The following DNAH7 variants were observed in gnomAD, a reference collection of about 807,000 sequenced individuals.
The protein encoded by DNAH7 is dynein axonemal heavy chain 7, also known as axonemal beta dynein heavy chain 7.
A neutral mutation model predicts 444.6 loss-of-function variants in DNAH7; 397 were observed. That is an observed-to-expected ratio of 0.89 (90% confidence interval 0.82 to 0.97). The LOEUF is 0.97. Among genes scored for constraint, DNAH7 ranks in the 50% least tolerant of loss-of-function variants. The probability of loss-of-function intolerance (pLI) is 0.00; values close to 1 mark genes in which losing one functional copy is unlikely to be tolerated. For synonymous variants in DNAH7, 1,636 were observed against 1,624.4 expected (o/e 1.01, Z -0.17); for missense variants, 4,902 against 4,800.8 (o/e 1.02, Z -0.62).
rs575800952 is a variant in DNAH7 at position 195,885,595 on chromosome 2, C to T, written c.5538+546G>A. On this transcript the variant is annotated intron_variant, in intron 34 of 64. Coordinates refer to ENST00000312428, the MANE Select transcript of DNAH7 (RefSeq NM_018897.3). ...ATTGACCACAGTAGAAGTGCTACCA[C>T]GAGTAATGCAGTAATATTTTCATTA... 8.5e-5 allele frequency among the ~76,000 whole-genome samples: 13 copies of T among 152,202 alleles called. No individual in the cohort carries two copies. The East Asian group carries it at 1.4e-3, about 16-fold the overall frequency.
intron 63 of DNAH7, among the ~76,000 whole-genome samples, chr2:195,750,871 A>G (rs1269464949): frequency 6.6e-6 from 1 of 152,192 alleles, no homozygotes; most frequent in Non-Finnish European, 1.5e-5. Context: ...CTCCATTGCC[A>G]AATACTTAAT....
chr2:195,766,353 G>A (rs1694589250), intron 61 of DNAH7, among the ~76,000 whole-genome samples: 1 of 151,382 alleles, frequency 6.6e-6, no homozygotes, highest in South Asian at 2.1e-4. Flanking sequence ...ATTTTTAGTA[G>A]AGACGGGTTT....
At chr2:195,872,599 C>A (rs1700784235) in intron 39 of DNAH7, 130 bp from the exon 40 acceptor site, 1 of 496,056 alleles carries the variant, frequency 2.0e-6, no homozygotes, top group Non-Finnish European at 3.4e-6. Context: ...ATAAAATTAC[C>A]ATATCTTATT....
intron 64 of DNAH7, among the ~76,000 whole-genome samples, chr2:195,740,311 G>A (rs1264074631): frequency 3.3e-5 from 5 of 152,084 alleles, no homozygotes; most frequent in Admixed American, 6.6e-5. Flanking sequence ...AGGCTGATGC[G>A]CCTCATAGAG....
At chr2:196,034,382 A>C (rs1375757212) in intron 5 of DNAH7, among the ~76,000 whole-genome samples, 2 of 152,224 alleles carry the variant, frequency 1.3e-5, no homozygotes, top group African/African-American at 4.8e-5. Flanking sequence ...GCAACCGAAG[A>C]TCTAAATAAG....
At chr2:195,891,280 T>G (rs888211793) in intron 31 of DNAH7, among the ~76,000 whole-genome samples, 3 of 152,328 alleles carry the variant, frequency 2.0e-5, no homozygotes, top group Admixed American at 1.3e-4. Flanking sequence ...TTAGCAGGCA[T>G]GACAATAGCA....
At position 195,988,416 on chromosome 2, in the gene DNAH7, A is replaced by G. The variant is rs550202033; in HGVS notation, c.1354-187T>C. On this transcript the variant is annotated intron_variant, in intron 12 of 64. Coordinates refer to ENST00000312428, the MANE Select transcript of DNAH7 (RefSeq NM_018897.3). ...CAGCAGTGTTTTAAAATTTAGGTTC[A>G]TATAATTTTTTGTTTTCTTTAAGGC... is the stretch of plus-strand genomic sequence containing the variant. Among the ~76,000 whole-genome samples the G allele has an allele frequency of 4.6e-5, 7 of 152,244 alleles. No homozygotes were observed. The South Asian group carries it at 1.5e-3, about 32-fold the overall frequency.
At chr2:196,047,562 C>A in intron 4 of DNAH7, 63 bp from the exon 5 acceptor site, 1 of 1,302,820 alleles carries the variant, frequency 7.7e-7, no homozygotes, top group Non-Finnish European at 1.0e-6. Context: ...AAGCATTTCA[C>A]ATGCTTAAAA....
At chr2:195,778,631 A>AAAT (rs1376209831) in intron 58 of DNAH7, among the ~76,000 whole-genome samples, 1 of 20,666 alleles carries the variant, frequency 4.8e-5, no homozygotes, top group African/African-American at 1.8e-4. Flanking sequence ...AAAAAAAAAA[A>AAAT]ATAAATAAAT....
intron 14 of DNAH7, 45 bp from the exon 15 acceptor site, chr2:195,984,755 T>A (rs757419845): frequency 1.3e-6 from 2 of 1,530,720 alleles, no homozygotes; most frequent in Admixed American, 1.7e-5. Context: ...ACAGTTCAAT[T>A]TAATTCCAAA....
rs756768233 is a variant in DNAH7, at chr2:196,012,859, G to A, written c.917C>T (p.Ala306Val). 30 of 1,542,852 alleles carry A rather than the reference G, an allele frequency of 1.9e-5. No individual in the cohort carries two copies. In the South Asian group the frequency reaches 3.6e-4, roughly 19 times the overall value. ...DIKEFHNCQD[A>V]LELSSFQNII... The stretch of plus-strand genomic sequence containing the variant: ...GTTCTGAAAACTTGACAGCTCTAAT[G>A]CATCCTGGCAATTATGAAATTCTTT... The change falls in exon 10 of 65, where the codon GCA (alanine) becomes GTA (valine). Residue 306 changes from alanine to valine, a missense_variant. Ala to Val is a moderately conservative substitution (Grantham distance 64). Transcript: ENST00000312428.
At chr2:195,780,405 CTT>C (rs1695316493) in intron 58 of DNAH7, among the ~76,000 whole-genome samples, 1 of 151,966 alleles carries the variant, frequency 6.6e-6, no homozygotes, top group African/African-American at 2.4e-5. Flanking sequence ...TTTGATTTAT[CTT>C]TTACTTCTAT....
intron 47 of DNAH7, among the ~76,000 whole-genome samples, chr2:195,835,103 T>C (rs1470137690): frequency 6.6e-6 from 1 of 152,188 alleles, no homozygotes; most frequent in Non-Finnish European, 1.5e-5. Context: ...AATTACTGTA[T>C]GATATTCAAC....
At chr2:195,753,038 A>G (rs1693877868) in intron 63 of DNAH7, among the ~76,000 whole-genome samples, 1 of 152,206 alleles carries the variant, frequency 6.6e-6, no homozygotes, top group East Asian at 1.9e-4. Flanking sequence ...ATTCTAGAGC[A>G]TGTTGTAGGC....
In DNAH7 at chr2:195,889,277, C is replaced by CCCT. The variant is rs1701879839; in HGVS notation, c.5047-299_5047-297dup. Among the ~76,000 whole-genome samples the CCCT allele has an allele frequency of 2.7e-5, 4 of 148,032 alleles. No individual in the cohort carries two copies. In the South Asian group the frequency reaches 6.8e-4, roughly 25 times the overall value. On this transcript the variant is annotated intron_variant, in intron 31 of 64. Transcript: ENST00000312428. ...TCCTTCCTTTCTTTCCTCCCTCCCT[C>CCCT]CCTCCCTTCCTTCCATCCATCCTTC...
In DNAH7 at chr2:195,793,539, A is replaced by G. The variant is rs942376414; in HGVS notation, c.10716+799T>C. Among the ~76,000 whole-genome samples, 4 of 152,328 alleles carry G rather than the reference A, an allele frequency of 2.6e-5. No homozygotes were observed. The East Asian group carries it at 5.8e-4, about 22-fold the overall frequency. On this transcript the variant is annotated intron_variant, in intron 57 of 64. Coordinates refer to ENST00000312428, the MANE Select transcript of DNAH7 (RefSeq NM_018897.3). The stretch of plus-strand genomic sequence containing the variant: ...AACTTGCTCTCTCTGGCCCTAATCA[A>G]TACAAAAGCTAGTCCTATGGCAGAT...
Position 196,024,454 on chromosome 2 carries a change from C to G in DNAH7, c.718G>C (p.Asp240His), listed in dbSNP as rs1695559360. The change falls in exon 8 of 65, where the codon GAT becomes CAT. Residue 240 changes from aspartate (D) to histidine (H), a missense_variant. Coordinates refer to ENST00000312428, the MANE Select transcript of DNAH7 (RefSeq NM_018897.3). ...TCAGCACGATGGGCTGGAAGTTCAT[C>G]TGTCTTCTTATCATCTCCTTTCTCT... ...PREKGDDKKT[D>H]ELPAHRAEME... 1 of 1,585,034 alleles carries G rather than the reference C, an allele frequency of 6.3e-7. No individual in the cohort carries two copies. Among genetic ancestry groups the G allele is most frequent in the African/African-American group, 1.4e-5 (1 of 73,388 alleles).
chr2:195,934,724 T>C lies in DNAH7; in HGVS notation c.3338A>G (p.Asp1113Gly), dbSNP rs1241717994. ...IAKVEFTETLDITHMKSSEGE... is the reference protein window; with the variant it reads ...IAKVEFTETLGITHMKSSEGE... Reference sequence around the variant, plus strand: ...TTCGCTGCTCTTCATGTGAGTAATGTCTAAAGTTTCCGTAAATTCTACCTT... The same window carrying C: ...TTCGCTGCTCTTCATGTGAGTAATGCCTAAAGTTTCCGTAAATTCTACCTT... The change falls in exon 21 of 65, where the codon GAC becomes GGC. Residue 1113 changes from aspartate to glycine, a missense_variant. Coordinates refer to ENST00000312428, the MANE Select transcript of DNAH7 (RefSeq NM_018897.3). 6.2e-7 allele frequency: 1 copy of C among 1,614,138 alleles called. No individual in the cohort carries two copies. Among genetic ancestry groups the C allele is most frequent in the Non-Finnish European group, 8.5e-7 (1 of 1,179,994 alleles).
chr2:195,989,528 G>T lies in DNAH7; in HGVS notation c.1354-1299C>A, dbSNP rs563685837. Among the ~76,000 whole-genome samples, 473 of 152,160 alleles carry T rather than the reference G, an allele frequency of 3.1e-3. 3 individuals carry two copies. The highest frequency in any genetic ancestry group is 0.011 in the African/African-American group (454 of 41,516). ...CTTGTCAGGTTTTCCATCAATAATA[G>T]GATTATTTCTGGTTTTGCTATTGAG... On this transcript the variant is annotated intron_variant, in intron 12 of 64. Coordinates refer to ENST00000312428, the MANE Select transcript of DNAH7 (RefSeq NM_018897.3).
Sources: allele counts gnomAD v4.1 joint callset (sites outside exome capture counted in the v4.1 genomes callset), GRCh38; gene constraint gnomAD v4.1.1; transcripts MANE v1.5; gene names NCBI Gene and HGNC (gene_info 2026-07-23, HGNC 2026-07-21).